Variants in CUL2 observed in about 807,000 individuals in gnomAD.
CUL2 encodes cullin 2.
CUL2 carries 22 observed loss-of-function variants against 110.2 expected under a neutral mutation model. The observed-to-expected ratio is 0.20, with a 90% confidence interval of 0.14 to 0.28. CUL2 has a LOEUF of 0.28. Among genes scored for constraint, CUL2 ranks in the 10% least tolerant of loss-of-function variants. CUL2 has a pLI of 1.00. For missense variants in CUL2, 631 were observed against 905.5 expected, an observed-to-expected ratio of 0.70 and a Z score of 3.89; for synonymous variants, 279 against 293.2, an observed-to-expected ratio of 0.95 and a Z score of 0.49.
intron 9 of CUL2, among the ~76,000 whole-genome samples, chr10:35,035,650 G>A (rs1017300015): frequency 3.3e-5 from 5 of 152,172 alleles, no homozygotes; most frequent in African/African-American, 1.2e-4. Context: ...GTATTTTACA[G>A]CTGCACAGTA....
chr10:35,072,409 C>G (rs900602041), intron 1 of CUL2, among the ~76,000 whole-genome samples: 3 of 151,152 alleles, frequency 2.0e-5, no homozygotes, highest in Non-Finnish European at 4.4e-5. Context: ...CACTCTGTTG[C>G]CCAGGCTGGA....
At chr10:35,073,987 T>G in intron 1 of CUL2, 1 of 701,026 alleles carries the variant, frequency 1.4e-6, no homozygotes, top group Non-Finnish European at 2.6e-6. Flanking sequence ...TATGTAATGG[T>G]GGCATCAGGA....
chr10:35,012,394 T>C (rs1217945890), intron 19 of CUL2, among the ~76,000 whole-genome samples: 1 of 152,146 alleles, frequency 6.6e-6, no homozygotes, highest in Non-Finnish European at 1.5e-5. Flanking sequence ...TTCTTATCAG[T>C]GATTACAGAA....
At chr10:35,032,107 C>T (rs1035149874) in intron 12 of CUL2, among the ~76,000 whole-genome samples, 2 of 152,054 alleles carry the variant, frequency 1.3e-5, no homozygotes, top group African/African-American at 4.8e-5. Flanking sequence ...TTACAAAAAT[C>T]TTGTAAGCAA....
chr10:35,022,080 T>C (rs961230753), intron 17 of CUL2, among the ~76,000 whole-genome samples: 2 of 151,884 alleles, frequency 1.3e-5, no homozygotes, highest in East Asian at 3.9e-4. Context: ...TATGTACGTA[T>C]GTCTGTCTTC....
chr10:35,087,365 C>T (rs1284422212), intron 1 of CUL2, among the ~76,000 whole-genome samples: 1 of 152,180 alleles, frequency 6.6e-6, no homozygotes, highest in Non-Finnish European at 1.5e-5. Context: ...TATCCATTTT[C>T]CTCTCTTCAC....
At chr10:35,021,395 A>T (rs796687101) in intron 17 of CUL2, among the ~76,000 whole-genome samples, 2 of 151,292 alleles carry the variant, frequency 1.3e-5, no homozygotes, top group Non-Finnish European at 1.5e-5. Flanking sequence ...TTTTCTGCAC[A>T]CTGCTGTGTA....
intron 8 of CUL2, among the ~76,000 whole-genome samples, chr10:35,039,954 A>G (rs1588983683): frequency 2.6e-5 from 4 of 152,310 alleles, no homozygotes; most frequent in Admixed American, 2.6e-4. Flanking sequence ...GGAGTTTGAG[A>G]CCAGCCTGGC....
chr10:35,022,766 G>T (rs2085234416), intron 17 of CUL2, among the ~76,000 whole-genome samples: 1 of 152,190 alleles, frequency 6.6e-6, no homozygotes, highest in African/African-American at 2.4e-5. Flanking sequence ...CTGTGACAAG[G>T]CTGGGCACGG....
intron 2 of CUL2, among the ~76,000 whole-genome samples, chr10:35,064,668 T>C (rs2086471156): frequency 6.6e-6 from 1 of 152,204 alleles, no homozygotes; most frequent in African/African-American, 2.4e-5. Context: ...TTATCAGTTC[T>C]ATTTATATAT....
chr10:35,016,249 C>A lies in CUL2; in HGVS notation c.1830G>T (p.Leu610=). Reference sequence around the variant, plus strand: ...CAAGTAATGATTTGATTGTTTTTGTCAGTTCCTTTTCATTCATCTGAGTGC... The same window carrying A: ...CAAGTAATGATTTGATTGTTTTTGTAAGTTCCTTTTCATTCATCTGAGTGC... The part of the protein sequence containing the change: ...QDSTQMNEKE[L]TKTIKSLLDV... Residue 610 remains leucine (L), a synonymous_variant, in exon 18 of 21, where the codon CTG becomes CTT. Transcript: ENST00000374749. The A allele has an allele frequency of 6.2e-7, 1 of 1,613,994 alleles. No homozygotes were observed. The highest frequency in any genetic ancestry group is 1.1e-5 in the South Asian group (1 of 91,062).
In CUL2 at chr10:35,043,908, A is replaced by G. The variant is rs561730443; in HGVS notation, c.714+658T>C. Among the ~76,000 whole-genome samples the G allele has an allele frequency of 2.8e-3, 425 of 152,078 alleles. 1 individual carries two copies. Among genetic ancestry groups the G allele is most frequent in the Non-Finnish European group, 3.1e-3 (208 of 67,980 alleles). ...CACAGCAAGACCCCATCTCTATAAC[A>G]AATTTTAAAAGTTGCTGGGCGTGGT... On this transcript the variant is annotated intron_variant, in intron 8 of 20. Transcript: ENST00000374749.
chr10:35,078,794 T>C (rs1313054876), intron 1 of CUL2, among the ~76,000 whole-genome samples: 5 of 152,214 alleles, frequency 3.3e-5, no homozygotes, highest in Non-Finnish European at 5.9e-5. Context: ...TTGATTCTCT[T>C]TATAGTGAAC....
chr10:35,037,974 G>A (rs1374885331), intron 9 of CUL2, among the ~76,000 whole-genome samples: 1 of 151,854 alleles, frequency 6.6e-6, no homozygotes, highest in Admixed American at 6.6e-5. Flanking sequence ...CCAACATGGT[G>A]ACACCCCGTC....
Position 35,029,470 on chromosome 10 carries a change from T to A in CUL2, c.1539+18A>T, listed in dbSNP as rs1431931151. On this transcript the variant is annotated intron_variant, in intron 15 of 20. Transcript: ENST00000374749. Reference sequence around the variant, plus strand: ...TGAAATGATTAGTAAATGCTCATAGTAAAACACATATTCATACCTGTAGAA... The same window carrying A: ...TGAAATGATTAGTAAATGCTCATAGAAAAACACATATTCATACCTGTAGAA... The A allele has an allele frequency of 1.2e-5, 17 of 1,457,310 alleles. No homozygotes were observed. The East Asian group carries it at 4.1e-4, about 35-fold the overall frequency. 90.3% of individuals were successfully genotyped at this position (1,457,310 alleles called of 1,614,324 possible). A position where few individuals can be genotyped will look rare whatever the true frequency, so the allele number is the denominator to read the frequency against.
At chr10:35,051,269 C>T (rs1260433530) in intron 5 of CUL2, among the ~76,000 whole-genome samples, 1 of 149,214 alleles carries the variant, frequency 6.7e-6, no homozygotes, top group African/African-American at 2.5e-5. Context: ...GAGCCGAGAT[C>T]GCGCCACTGC....
At position 35,121,822 on chromosome 10, in the gene CUL2, A is replaced by T. The variant is rs183322712; in HGVS notation, c.-51+4783T>A. ...AAGACCCTGTCTCAAAAAAAAAAAA[A>T]AAAATAAAAATTAGTTTAGTTTAAC... On this transcript the variant is annotated intron_variant, in intron 1 of 5. Coordinates refer to the CUL2 transcript ENST00000685421. 7.4e-3 allele frequency among the ~76,000 whole-genome samples: 1,121 copies of T among 151,980 alleles called. 13 individuals carry two copies. Among genetic ancestry groups the T allele is most frequent in the African/African-American group, 0.022 (901 of 41,470 alleles).
chr10:35,110,400 C>CA (rs1014957842), intron 1 of CUL2, among the ~76,000 whole-genome samples: 3 of 150,782 alleles, frequency 2.0e-5, no homozygotes, highest in African/African-American at 7.3e-5. Context: ...CTGTCTCTAC[C>CA]AAAAAAATAC....
At chr10:35,012,053 CTTTTT>C (rs5784438) in intron 19 of CUL2, 89 bp from the exon 20 acceptor site, 485 of 474,912 alleles carry the variant, frequency 1.0e-3, no homozygotes, top group Middle Eastern at 1.4e-3. Context: ...AGTGCAAATA[CTTTTT>C]TTTTTTTTTT....
Sources: allele counts gnomAD v4.1 joint callset (sites outside exome capture counted in the v4.1 genomes callset), GRCh38; gene constraint gnomAD v4.1.1; transcripts MANE v1.5; gene names NCBI Gene and HGNC (gene_info 2026-07-23, HGNC 2026-07-21).